UGT1A8: variants seen among roughly 807,000 people sequenced by gnomAD.
The protein encoded by UGT1A8 is UDP-glucuronosyltransferase 1A8.
UGT1A8 carries 39 observed loss-of-function variants against 45.3 expected under a neutral mutation model. The observed-to-expected ratio is 0.86, with a 90% confidence interval of 0.67 to 1.12. The LOEUF (loss-of-function observed/expected upper bound fraction) is 1.12, where lower values mean the gene tolerates loss of function less well. Among genes scored for constraint, UGT1A8 ranks in the 50% most tolerant of loss-of-function variants. The pLI is 0.00. For missense variants in UGT1A8, 719 were observed against 664.9 expected (o/e 1.08, Z -0.90); for synonymous variants, 275 against 249.2 (o/e 1.10, Z -0.97).
chr2:233,721,241 A>G (rs2076930397), intron 1 of UGT1A8, among the ~76,000 whole-genome samples: 1 of 152,202 alleles, frequency 6.6e-6, no homozygotes, highest in African/African-American at 2.4e-5. Context: ...ACTGAATTGT[A>G]AAAAATATAT....
intron 1 of UGT1A8, among the ~76,000 whole-genome samples, chr2:233,766,284 C>T (rs982809777): frequency 7.9e-5 from 12 of 151,766 alleles, no homozygotes; most frequent in Non-Finnish European, 1.8e-4. Context: ...GGCCCGGGCT[C>T]GGTGGCCTGG....
At chr2:233,681,961 C>G in intron 1 of UGT1A8, 1 of 1,613,960 alleles carries the variant, frequency 6.2e-7, no homozygotes, top group Non-Finnish European at 8.5e-7. Flanking sequence ...GGTGGACTGG[C>G]CTCCTTCCCC....
chr2:233,665,823 A>G (rs907093084), intron 1 of UGT1A8, among the ~76,000 whole-genome samples: 10 of 152,184 alleles, frequency 6.6e-5, no homozygotes, highest in African/African-American at 4.8e-5. Flanking sequence ...GTTGTGATCT[A>G]TGGTAGGTGT....
At chr2:233,716,743 T>C (rs576356659) in intron 1 of UGT1A8, among the ~76,000 whole-genome samples, 2 of 152,306 alleles carry the variant, frequency 1.3e-5, no homozygotes, top group East Asian at 1.9e-4. Context: ...CTCTGTGAGA[T>C]TGGGAGAGGG....
At chr2:233,705,353 T>C (rs1442093657) in intron 1 of UGT1A8, among the ~76,000 whole-genome samples, 1 of 152,192 alleles carries the variant, frequency 6.6e-6, no homozygotes, top group African/African-American at 2.4e-5. Flanking sequence ...TCTTATTACA[T>C]GGGGTTTTGC....
At chr2:233,630,577 G>A (rs895975118) in intron 1 of UGT1A8, among the ~76,000 whole-genome samples, 1 of 152,112 alleles carries the variant, frequency 6.6e-6, no homozygotes, top group African/African-American at 2.4e-5. Context: ...CAGTTTGGCA[G>A]ACTTTATATG....
intron 1 of UGT1A8, chr2:233,756,085 A>G (rs75115933): frequency 6.6e-6 from 1 of 152,236 alleles, no homozygotes; most frequent in Non-Finnish European, 1.5e-5. Flanking sequence ...TGAGAAAATC[A>G]AGTAACATTA....
intron 1 of UGT1A8, chr2:233,721,804 A>G: frequency 1.9e-6 from 1 of 514,924 alleles, no homozygotes; most frequent in South Asian, 1.4e-5. Flanking sequence ...CACATGCAGC[A>G]AAAATCCAGC....
intron 1 of UGT1A8, among the ~76,000 whole-genome samples, chr2:233,680,079 T>G (rs1274502000): frequency 6.6e-6 from 1 of 152,184 alleles, no homozygotes; most frequent in East Asian, 1.9e-4. Flanking sequence ...CTTCATTGAT[T>G]TTGAAATGGC....
In UGT1A8 at chr2:233,769,594, G is replaced by A; in HGVS notation, c.1295+1155G>A. 2 of 1,612,864 alleles carry A rather than the reference G, an allele frequency of 1.2e-6. No homozygotes were observed. The highest frequency in any genetic ancestry group is 1.7e-6 in the Non-Finnish European group (2 of 1,179,872). On this transcript the variant is annotated intron_variant, in intron 4 of 4. Coordinates refer to ENST00000373450, the MANE Select transcript of UGT1A8 (RefSeq NM_019076.5). This position sits in a 1 kb window ranked among gnomAD's most constrained non-coding sequence, Gnocchi z 4.4. ...GAGCATGTTCAGATGAGAGGAGACG[G>A]AACACGGGGACACACCAGCTTGAGC... is the stretch of plus-strand genomic sequence containing the variant.
At chr2:233,624,126 ATATGACACAT>A (rs752033774) in intron 1 of UGT1A8, among the ~76,000 whole-genome samples, 1 of 152,196 alleles carries the variant, frequency 6.6e-6, no homozygotes, top group Non-Finnish European at 1.5e-5. Flanking sequence ...TCATTCACCA[ATATGACACAT>A]TATGATGAGC....
chr2:233,736,730 T>C (rs1173879168), intron 1 of UGT1A8, among the ~76,000 whole-genome samples: 2 of 152,186 alleles, frequency 1.3e-5, no homozygotes, highest in African/African-American at 2.4e-5. Flanking sequence ...TTGATGTTTA[T>C]GCTGTTCCTT....
rs917242803 is a variant in UGT1A8, at chr2:233,724,807, C to G, written c.856-42227C>G. On this transcript the variant is annotated intron_variant, in intron 1 of 4. Transcript: ENST00000373450. ...CTTCCCAGACGGGGTGGCGGCCGGG[C>G]AGAGGCTGCAATCTCGGCACTTTGG... 5.9e-4 allele frequency among the ~76,000 whole-genome samples: 82 copies of G among 138,372 alleles called. 2 individuals carry two copies. The highest frequency in any genetic ancestry group is 1.0e-3 in the Non-Finnish European group (67 of 64,874). 90.8% of individuals were successfully genotyped at this position (138,372 alleles called of 152,430 possible). A position where few individuals can be genotyped will look rare whatever the true frequency, so the allele number is the denominator to read the frequency against.
chr2:233,770,138 C>T (rs1700024160), intron 4 of UGT1A8: 1 of 152,234 alleles, frequency 6.6e-6, no homozygotes. Context: ...TCCTCTAATA[C>T]ATTATTTTTT....
At chr2:233,705,685 G>A (rs917594086) in intron 1 of UGT1A8, among the ~76,000 whole-genome samples, 4 of 152,158 alleles carry the variant, frequency 2.6e-5, no homozygotes, top group Admixed American at 1.3e-4. Context: ...TATTCACAAC[G>A]ACTGGTATAA....
In UGT1A8 at chr2:233,636,929, A is replaced by G. The variant is rs770761874; in HGVS notation, c.855+18367A>G. On this transcript the variant is annotated intron_variant, in intron 1 of 4. Coordinates refer to ENST00000373450, the MANE Select transcript of UGT1A8 (RefSeq NM_019076.5). ...TTTAATGACCGAAAATTAGTAGAAT[A>G]CTTAAAGGAGAGTTCTTTTGATGCA... The G allele has an allele frequency of 3.7e-6, 6 of 1,614,140 alleles. No homozygotes were observed. The South Asian group carries it at 6.6e-5, about 18-fold the overall frequency.
At chr2:233,733,467 T>C (rs1231122039) in intron 1 of UGT1A8, among the ~76,000 whole-genome samples, 1 of 152,200 alleles carries the variant, frequency 6.6e-6, no homozygotes, top group African/African-American at 2.4e-5. Context: ...GCTCTTATTA[T>C]TTTGAGATAC....
chr2:233,729,285 C>G (rs1346383611), intron 1 of UGT1A8: 12 of 1,614,080 alleles, frequency 7.4e-6, no homozygotes, highest in Non-Finnish European at 5.9e-6. Context: ...AGCTCCATGC[C>G]AGAGGCCACC....
At chr2:233,637,033 G>A (rs1281264181) in intron 1 of UGT1A8, 1 of 1,613,910 alleles carries the variant, frequency 6.2e-7, no homozygotes, top group Non-Finnish European at 8.5e-7. Flanking sequence ...CTTCACCAGG[G>A]GAATATTTTG....
Sources: gnomAD v4.1 joint callset for allele counts (sites outside exome capture counted in the v4.1 genomes callset) on GRCh38, gnomAD v4.1.1 for gene constraint, Gnocchi (gnomAD v3.1) non-coding constraint, MANE v1.5 for transcripts, NCBI Gene and HGNC (gene_info 2026-07-23, HGNC 2026-07-21) for gene names.